The following GRAMD1B variants were observed in gnomAD, a reference collection of about 807,000 sequenced individuals.
The protein encoded by GRAMD1B is protein Aster-B.
In GRAMD1B, 37 loss-of-function variants were observed where a neutral mutation model predicts 99.7. The ratio of observed to expected loss-of-function variants is 0.37; its 90% CI spans 0.29 to 0.49. The LOEUF (loss-of-function observed/expected upper bound fraction) is 0.49, where lower values mean the gene tolerates loss of function less well. Among genes scored for constraint, GRAMD1B ranks in the 20% least tolerant of loss-of-function variants. GRAMD1B has a pLI of 0.98. For missense variants in GRAMD1B, 888 were observed against 1,009.2 expected, an observed-to-expected ratio of 0.88 and a Z score of 1.63; for synonymous variants, 427 against 387.6, an observed-to-expected ratio of 1.10 and a Z score of -1.19.
intron 2 of GRAMD1B, among the ~76,000 whole-genome samples, chr11:123,503,208 G>T (rs572727298): frequency 6.6e-6 from 1 of 152,210 alleles, no homozygotes; most frequent in Non-Finnish European, 1.5e-5. Context: ...AGGGCAGGGC[G>T]TGGCAGCCTT....
At chr11:123,595,252 C>T (rs1951132814) in intron 6 of GRAMD1B, among the ~76,000 whole-genome samples, 1 of 150,968 alleles carries the variant, frequency 6.6e-6, no homozygotes, top group South Asian at 2.1e-4. Flanking sequence ...TTCCTCATCT[C>T]GTATACTAAG....
At chr11:123,600,708 A>G (rs1380526004) in intron 8 of GRAMD1B, among the ~76,000 whole-genome samples, 160 bp downstream of exon 8, 1 of 152,108 alleles carries the variant, frequency 6.6e-6, no homozygotes, top group African/African-American at 2.4e-5. Flanking sequence ...AATGGCCTCA[A>G]CACCCCCAGG....
chr11:123,485,791 G>A (rs990376845), intron 2 of GRAMD1B, among the ~76,000 whole-genome samples: 17 of 149,760 alleles, frequency 1.1e-4, no homozygotes, highest in Admixed American at 4.0e-4. Context: ...CTTGGCTCAC[G>A]GTAACCTCCA....
At chr11:123,481,265 G>T (rs1223736417) in intron 2 of GRAMD1B, among the ~76,000 whole-genome samples, 1 of 152,108 alleles carries the variant, frequency 6.6e-6, no homozygotes, top group Middle Eastern at 3.2e-3. Context: ...GACTAGCCTG[G>T]TCAACACGGT....
intron 1 of GRAMD1B, among the ~76,000 whole-genome samples, chr11:123,457,181 A>T (rs147923416): frequency 7.2e-6 from 1 of 139,428 alleles, no homozygotes; most frequent in Admixed American, 7.2e-5. Flanking sequence ...GCTGTGAAGT[A>T]TCGGCTCATG....
rs1322535880 is a variant in GRAMD1B, at chr11:123,583,388, ATGTGTGCGTGTG to A, written c.664-917_664-906del. Among the ~76,000 whole-genome samples the A allele has an allele frequency of 3.3e-4, 23 of 69,914 alleles. 2 individuals carry two copies. The highest frequency in any genetic ancestry group is 1.0e-3 in the African/African-American group (21 of 21,092). The allele number at this position is 69,914 out of a possible 152,430, so 45.9% of individuals were successfully genotyped here. ...GTGTGTGTGCACGTGTGTGGTGTGTATGTGTGCGTGTGTGTGTGTGTCTGTGTATATGTGTGT... is the reference window on the plus strand; with the variant it reads ...GTGTGTGTGCACGTGTGTGGTGTGTATGTGTGTGTCTGTGTATATGTGTGT... On this transcript the variant is annotated intron_variant, in intron 3 of 19. Coordinates refer to ENST00000635736, the MANE Select transcript of GRAMD1B (RefSeq NM_001387025.1).
chr11:123,500,787 C>A (rs1018061345), intron 2 of GRAMD1B, among the ~76,000 whole-genome samples: 1 of 152,116 alleles, frequency 6.6e-6, no homozygotes, highest in Non-Finnish European at 1.5e-5. Flanking sequence ...GATTCTCCCG[C>A]CTCAGCCTCC....
intron 6 of GRAMD1B, 39 bp from the exon 7 acceptor site, chr11:123,595,903 C>T: frequency 8.2e-7 from 1 of 1,214,528 alleles, no homozygotes; most frequent in Non-Finnish European, 1.2e-6. Flanking sequence ...TAATGCCCCA[C>T]TTTGCTTGTT....
intron 5 of GRAMD1B, 30 bp from the exon 6 acceptor site, chr11:123,594,705 T>G: frequency 3.0e-5 from 36 of 1,181,874 alleles, no homozygotes; most frequent in Middle Eastern, 1.9e-4. Context: ...TTCCTGCCTC[T>G]GAGCTCCCCT....
At chr11:123,466,117 A>G (rs1591613403) in intron 1 of GRAMD1B, among the ~76,000 whole-genome samples, 1 of 152,182 alleles carries the variant, frequency 6.6e-6, no homozygotes, top group South Asian at 2.1e-4. Flanking sequence ...TTCTGCTAAA[A>G]ATACAAAAAT....
At chr11:123,518,730 A>T (rs761092244) in intron 2 of GRAMD1B, among the ~76,000 whole-genome samples, 2 of 152,184 alleles carry the variant, frequency 1.3e-5, no homozygotes, top group Non-Finnish European at 2.9e-5. Context: ...AGGTCTGCGC[A>T]ACCACTTTAG....
At chr11:123,429,134 G>A (rs1297830988), upstream of GRAMD1B, among the ~76,000 whole-genome samples, 4 of 152,110 alleles carry the variant, frequency 2.6e-5, no homozygotes, top group African/African-American at 7.2e-5. The surrounding 1 kb of genome is among the most constrained non-coding windows in gnomAD (Gnocchi z 4.0). Flanking sequence ...TCAAGGTTGC[G>A]GTGAGCCATG....
rs1565526149 is a variant in GRAMD1B, at chr11:123,469,772, TTTCTTTCCTTCCTTCC to T, written c.375-11040_375-11025del. ...TTCTTTCTTTCCTTCTTTCTTTCTC[TTTCTTTCCTTCCTTCC>T]TTCCTTCCTTCCTTCCTTCCTTCCT... is the stretch of plus-strand genomic sequence containing the variant. On this transcript the variant is annotated intron_variant, in intron 1 of 19. Transcript: ENST00000635736. 3.6e-4 allele frequency among the ~76,000 whole-genome samples: 39 copies of T among 108,382 alleles called. 1 individual carries two copies. The South Asian group carries it at 5.9e-3, about 17-fold the overall frequency. The allele number at this position is 108,382 out of a possible 152,430, so 71.1% of individuals were successfully genotyped here.
At chr11:123,387,378 T>C (rs952416096) in intron 1 of GRAMD1B, among the ~76,000 whole-genome samples, 24 of 152,070 alleles carry the variant, frequency 1.6e-4, no homozygotes, top group African/African-American at 5.1e-4. Context: ...CCTACACACA[T>C]GTACATGAGG....
At chr11:123,569,239 T>G (rs1947781921) in intron 2 of GRAMD1B, among the ~76,000 whole-genome samples, 1 of 151,852 alleles carries the variant, frequency 6.6e-6, no homozygotes, top group Admixed American at 6.6e-5. Flanking sequence ...TTTTCATGAG[T>G]AAAAGGAGCT....
At chr11:123,415,073 CTTT>C (rs1948182444) in intron 1 of GRAMD1B, among the ~76,000 whole-genome samples, 1 of 111,946 alleles carries the variant, frequency 8.9e-6, no homozygotes, top group South Asian at 3.2e-4. Context: ...TCTTTTTTTT[CTTT>C]TTTCTTTTCT....
intron 1 of GRAMD1B, among the ~76,000 whole-genome samples, chr11:123,379,582 G>T (rs943844506): frequency 1.3e-5 from 2 of 152,070 alleles, no homozygotes; most frequent in African/African-American, 4.8e-5. Context: ...CCAACCATCG[G>T]CTCATAGATA....
At chr11:123,604,122 G>A (rs2136803112) in intron 9 of GRAMD1B, among the ~76,000 whole-genome samples, 1 of 152,342 alleles carries the variant, frequency 6.6e-6, no homozygotes, top group East Asian at 1.9e-4. Flanking sequence ...TTTTAGGCAA[G>A]TTGAAATTGA....
intron 2 of GRAMD1B, among the ~76,000 whole-genome samples, chr11:123,496,531 C>T (rs1054324309): frequency 2.0e-5 from 3 of 151,474 alleles, no homozygotes; most frequent in Non-Finnish European, 4.4e-5. Context: ...TGATATCATC[C>T]CTTTGAATAA....
Sources: allele counts gnomAD v4.1 joint callset (sites outside exome capture counted in the v4.1 genomes callset), GRCh38; gene constraint gnomAD v4.1.1; non-coding constraint Gnocchi (gnomAD v3.1); transcripts MANE v1.5; gene names NCBI Gene and HGNC (gene_info 2026-07-23, HGNC 2026-07-21).